The following GOLM2 variants were observed in gnomAD, a reference collection of about 807,000 sequenced individuals.
GOLM2 encodes the protein protein GOLM2.
A neutral mutation model predicts 55.9 loss-of-function variants in GOLM2; 26 were observed. The ratio of observed to expected loss-of-function variants is 0.47; its 90% CI spans 0.34 to 0.65. The LOEUF (loss-of-function observed/expected upper bound fraction) is 0.65. GOLM2 is among the 30% of genes least tolerant of loss of function. The pLI is 0.01. For missense variants in GOLM2, 486 were observed against 531.8 expected (o/e 0.91, Z 0.85); for synonymous variants, 165 against 194.6 (o/e 0.85, Z 1.27).
chr15:44,410,900 T>G (rs1341962724), intron 9 of GOLM2, among the ~76,000 whole-genome samples: 2 of 93,186 alleles, frequency 2.1e-5, no homozygotes, highest in Admixed American at 2.6e-4. Flanking sequence ...TGAGACCCTG[T>G]ATCAAAAAAA....
intron 1 of GOLM2, among the ~76,000 whole-genome samples, chr15:44,310,454 CTATATATATATATATGTATATATA>C (rs1329316063): frequency 7.0e-6 from 1 of 142,606 alleles, no homozygotes; most frequent in Non-Finnish European, 1.5e-5. Context: ...CTCTCTCTCT[CTATATATATATATATGTATATATA>C]TATATATATA....
chr15:44,352,686 A>C (rs1000993595), intron 6 of GOLM2, among the ~76,000 whole-genome samples: 3 of 152,034 alleles, frequency 2.0e-5, no homozygotes, highest in African/African-American at 7.2e-5. Flanking sequence ...CCGGCAGATC[A>C]CCTGAGGTCA....
In GOLM2 at chr15:44,289,385, C is replaced by A. The variant is rs1331306166; in HGVS notation, c.327+29C>A. ...AGGACGACCCTTTTCTCTTCAAACC[C>A]CATGGTTTCTTTTCTCCCCGGGGTC... On this transcript the variant is annotated intron_variant, in intron 1 of 9. Coordinates refer to ENST00000299957, the MANE Select transcript of GOLM2 (RefSeq NM_138423.4). The surrounding 1 kb of genome is among the most constrained non-coding windows in gnomAD (Gnocchi z 4.8). The A allele has an allele frequency of 6.4e-7, 1 of 1,571,196 alleles. No homozygotes were observed. The highest frequency in any genetic ancestry group is 1.4e-5 in the African/African-American group (1 of 73,774).
At chr15:44,317,219 CA>C (rs927522390) in intron 1 of GOLM2, among the ~76,000 whole-genome samples, 1 of 149,982 alleles carries the variant, frequency 6.7e-6, no homozygotes, top group Non-Finnish European at 1.5e-5. Context: ...CTACAAAAGA[CA>C]AAAAAAATTA....
chr15:44,397,725 C>T (rs1457917576), intron 8 of GOLM2, among the ~76,000 whole-genome samples: 3 of 151,858 alleles, frequency 2.0e-5, no homozygotes, highest in Non-Finnish European at 2.9e-5. Context: ...CATGTTTAGC[C>T]CTCACTTTGC....
intron 9 of GOLM2, 93 bp downstream of exon 9, chr15:44,403,147 G>T (rs1159524300): frequency 4.2e-6 from 6 of 1,431,938 alleles, no homozygotes; most frequent in Non-Finnish European, 5.8e-6. Flanking sequence ...ACTTATTAGT[G>T]GCAGTGTAAC....
chr15:44,372,479 G>A (rs2079335001), intron 6 of GOLM2, among the ~76,000 whole-genome samples: 1 of 152,196 alleles, frequency 6.6e-6, no homozygotes, highest in Non-Finnish European at 1.5e-5. Context: ...GCCTAAAAGA[G>A]AAGTAGAGGA....
intron 6 of GOLM2, among the ~76,000 whole-genome samples, chr15:44,369,282 A>C (rs1300235818): frequency 4.1e-5 from 6 of 145,452 alleles, no homozygotes; most frequent in African/African-American, 1.5e-4. Flanking sequence ...ACATTCTTAG[A>C]TTTGTGGATT....
At chr15:44,299,687 T>C (rs1051082203) in intron 1 of GOLM2, among the ~76,000 whole-genome samples, 1 of 152,224 alleles carries the variant, frequency 6.6e-6, no homozygotes, top group East Asian at 1.9e-4. Context: ...CTTAAGCCTG[T>C]TTCTTCACTC....
rs2079390892 is a variant in GOLM2 at position 44,379,890 on chromosome 15, C to G, written c.901+102C>G. ...ATCACTTAGCAGTATAGTGAAATAGCATTTATTCTTTGAGGTAATGTTATT... is the reference window on the plus strand; with the variant it reads ...ATCACTTAGCAGTATAGTGAAATAGGATTTATTCTTTGAGGTAATGTTATT... On this transcript the variant is annotated intron_variant, in intron 7 of 9. Transcript: ENST00000299957. 5.2e-6 allele frequency: 3 copies of G among 574,790 alleles called. No homozygotes were observed. In the East Asian group the frequency reaches 9.2e-5, roughly 18 times the overall value. The allele number at this position is 574,790 out of a possible 1,614,324, so 35.6% of individuals were successfully genotyped here.
chr15:44,320,330 G>T (rs1008212549), intron 1 of GOLM2, among the ~76,000 whole-genome samples: 8 of 151,914 alleles, frequency 5.3e-5, no homozygotes, highest in African/African-American at 1.9e-4. Flanking sequence ...ATAGGGTCTT[G>T]CTCTGTCTCC....
chr15:44,380,925 C>G lies in GOLM2; in HGVS notation c.1021C>G (p.Leu341Val), dbSNP rs2079397452. ...DSEPRIQTDILKQATKDRVSD... is the reference protein window; with the variant it reads ...DSEPRIQTDIVKQATKDRVSD... ...TGAACCCAGAATTCAAACAGATATA[C>G]TAAAGCAGGCTACCAAGGACAGAGT... Residue 341 changes from leucine (L) to valine (V), a missense_variant, in exon 8 of 10, where the codon CTA becomes GTA. Physicochemically the swap from Leu to Val is conservative, Grantham distance 32 (BLOSUM62 1). Transcript: ENST00000299957. 2 of 1,599,218 alleles carry G rather than the reference C, an allele frequency of 1.3e-6. No homozygotes were observed. The highest frequency in any genetic ancestry group is 1.7e-5 in the Admixed American group (1 of 58,384).
chr15:44,325,510 G>C (rs1415324354), intron 2 of GOLM2, among the ~76,000 whole-genome samples: 1 of 152,062 alleles, frequency 6.6e-6, no homozygotes, highest in Non-Finnish European at 1.5e-5. Flanking sequence ...AGCTATTTCA[G>C]GTATTTTACA....
chr15:44,330,669 T>C (rs1158424428), intron 3 of GOLM2, among the ~76,000 whole-genome samples: 1 of 152,046 alleles, frequency 6.6e-6, no homozygotes, highest in Non-Finnish European at 1.5e-5. Flanking sequence ...AGGTTGAGGC[T>C]ACAGTGAACC....
rs887396462 is a variant in GOLM2 at position 44,414,754 on chromosome 15, T to TA, written c.*1355dup. 1.3e-5 allele frequency: 2 copies of TA among 152,618 alleles called. No individual in the cohort carries two copies. Among genetic ancestry groups the TA allele is most frequent in the African/African-American group, 4.8e-5 (2 of 41,452 alleles). 9.5% of individuals were successfully genotyped at this position (152,618 alleles called of 1,614,324 possible). ...TTTATTAAAATAGCTTAAAAGTTTG[T>TA]AAAAAAATGAATCTTTGTAATTACT... On this transcript the variant is annotated 3_prime_UTR_variant, in exon 10 of 10. Transcript: ENST00000299957.
intron 6 of GOLM2, among the ~76,000 whole-genome samples, chr15:44,360,451 A>C (rs2079229655): frequency 1.3e-5 from 2 of 152,206 alleles, no homozygotes; most frequent in African/African-American, 4.8e-5. Flanking sequence ...CAAAAGAGAC[A>C]AAGAAGGCCA....
In GOLM2 at chr15:44,343,015, G is replaced by T. The variant is rs12437493; in HGVS notation, c.802+4698G>T. Among the ~76,000 whole-genome samples, 368 of 152,248 alleles carry T rather than the reference G, an allele frequency of 2.4e-3. 3 individuals carry two copies. The highest frequency in any genetic ancestry group is 0.02 in the Admixed American group (304 of 15,296). On this transcript the variant is annotated intron_variant, in intron 6 of 9. Coordinates refer to ENST00000299957, the MANE Select transcript of GOLM2 (RefSeq NM_138423.4). ...TGTAAAACACTTAGAACAGTGCCTG[G>T]CACATAGCAAGTGCTATATATATCT...
chr15:44,350,120 A>G (rs979712548), intron 6 of GOLM2, among the ~76,000 whole-genome samples: 1 of 152,174 alleles, frequency 6.6e-6, no homozygotes, highest in Non-Finnish European at 1.5e-5. Flanking sequence ...TAATGTTAGT[A>G]GAAGGAAAAA....
At chr15:44,388,273 CAAAA>C (rs35283840) in intron 8 of GOLM2, among the ~76,000 whole-genome samples, 2 of 68,604 alleles carry the variant, frequency 2.9e-5, no homozygotes. Context: ...GACCCTGTCT[CAAAA>C]AAAAAAAAAA....
Sources: gnomAD v4.1 joint callset for allele counts (sites outside exome capture counted in the v4.1 genomes callset) on GRCh38, gnomAD v4.1.1 for gene constraint, Gnocchi (gnomAD v3.1) non-coding constraint, MANE v1.5 for transcripts, NCBI Gene and HGNC (gene_info 2026-07-23, HGNC 2026-07-21) for gene names.